The following CLNK variants were observed in gnomAD, a reference collection of about 807,000 sequenced individuals.
CLNK encodes cytokine dependent hematopoietic cell linker.
In CLNK, 74 loss-of-function variants were observed where a neutral mutation model predicts 68.6. The observed-to-expected ratio is 1.08, with a 90% CI of 0.89 to 1.31. The LOEUF is 1.31. CLNK is among the 50% of genes most tolerant of loss of function. The probability of loss-of-function intolerance (pLI) is 0.00; values close to 1 mark genes in which losing one functional copy is unlikely to be tolerated. For missense variants in CLNK, 553 were observed against 515.3 expected (o/e 1.07, Z -0.71); for synonymous variants, 198 against 172.2 (o/e 1.15, Z -1.17).
At chr4:10,551,850 T>A (rs9992045) in intron 8 of CLNK, among the ~76,000 whole-genome samples, 31,385 of 113,434 alleles carry the variant, frequency 0.28, 4,861 homozygotes, top group African/African-American at 0.48. Flanking sequence ...GAATTGTAAT[T>A]TTTTTTTTTT....
At chr4:10,606,718 A>G (rs1395854955) in intron 2 of CLNK, among the ~76,000 whole-genome samples, 1 of 152,212 alleles carries the variant, frequency 6.6e-6, no homozygotes, top group African/African-American at 2.4e-5. Context: ...GGTCACCATC[A>G]TATAGAAGGC....
chr4:10,654,962 C>T (rs1232834372), intron 2 of CLNK, among the ~76,000 whole-genome samples: 4 of 151,816 alleles, frequency 2.6e-5, no homozygotes, highest in Admixed American at 2.0e-4. Flanking sequence ...ATTAGCTGGG[C>T]GCGGTGGCAG....
intron 14 of CLNK, among the ~76,000 whole-genome samples, chr4:10,521,151 G>A (rs1718045512): frequency 6.6e-6 from 1 of 152,106 alleles, no homozygotes; most frequent in South Asian, 2.1e-4. Context: ...CAGTCACTAT[G>A]GAAAAGAACA....
rs146370549 is a variant in CLNK at position 10,606,385 on chromosome 4, C to T, written c.12-8336G>A. On this transcript the variant is annotated intron_variant, in intron 2 of 18. Transcript: ENST00000226951. ...TTCCTGTGATATCAATGCCTTCTTC[C>T]GGAATCCCTCCTCAAGAACCTGCCT... Among the ~76,000 whole-genome samples the T allele has an allele frequency of 1.6e-4, 25 of 152,028 alleles. No individual in the cohort carries two copies. The East Asian group carries it at 3.7e-3, about 22-fold the overall frequency.
the CLNK span, among the ~76,000 whole-genome samples, chr4:10,699,514 T>TATATATA: frequency 5.4e-5 from 1 of 18,468 alleles, no homozygotes; most frequent in Non-Finnish European, 1.1e-4. Context: ...ATATATATAT[T>TATATATA]TTTTTTTTTT....
the CLNK span, among the ~76,000 whole-genome samples, chr4:10,718,180 G>T: frequency 2.6e-5 from 4 of 152,178 alleles, no homozygotes; most frequent in Non-Finnish European, 5.9e-5. Context: ...ATTAAAACGT[G>T]TTGGATCTAA....
chr4:10,725,193 G>C, the CLNK span, among the ~76,000 whole-genome samples: 2 of 151,800 alleles, frequency 1.3e-5, no homozygotes, highest in South Asian at 4.2e-4. Context: ...AGCCCGCGGG[G>C]TGAGATGTGC....
At chr4:10,619,923 G>A (rs1197498642) in intron 2 of CLNK, among the ~76,000 whole-genome samples, 2 of 152,076 alleles carry the variant, frequency 1.3e-5, no homozygotes, top group Non-Finnish European at 2.9e-5. Context: ...AGCCCGGGGC[G>A]TTTTCCCATA....
chr4:10,728,385 A>AGTGTGTGTGTGT, the CLNK span, among the ~76,000 whole-genome samples: 2 of 146,742 alleles, frequency 1.4e-5, no homozygotes, highest in Admixed American at 6.8e-5. Flanking sequence ...TATTCTAAAG[A>AGTGTGTGTGTGT]GTGTGTGTGT....
At chr4:10,728,471 G>A in the CLNK span, among the ~76,000 whole-genome samples, 1 of 151,868 alleles carries the variant, frequency 6.6e-6, no homozygotes, top group Non-Finnish European at 1.5e-5. Flanking sequence ...ATGACATGAT[G>A]CCTGAAGCAA....
chr4:10,532,287 CAAG>C lies in CLNK; in HGVS notation c.603-7_603-5del, dbSNP rs1718573498. On this transcript the variant is annotated splice_region_variant and splice_polypyrimidine_tract_variant and intron_variant, in intron 11 of 18. Coordinates refer to ENST00000226951, the MANE Select transcript of CLNK (RefSeq NM_052964.4). Reference sequence around the variant, plus strand: ...TAAGTCCCTTAAGCTTATCTGACTGCAAGAAAAAGAAATACGGTGTTACATAAA... The same window carrying C: ...TAAGTCCCTTAAGCTTATCTGACTGCAAAAAGAAATACGGTGTTACATAAA... The C allele has an allele frequency of 1.2e-6, 2 of 1,608,018 alleles. No homozygotes were observed. Among genetic ancestry groups the C allele is most frequent in the South Asian group, 1.1e-5 (1 of 90,482 alleles).
chr4:10,522,301 C>T (rs528308084), intron 14 of CLNK, among the ~76,000 whole-genome samples: 21 of 148,218 alleles, frequency 1.4e-4, no homozygotes, highest in Admixed American at 5.4e-4. Context: ...AGGCCTGGCA[C>T]GGTGGCTTAC....
chr4:10,549,924 A>G (rs1719381079), intron 8 of CLNK, among the ~76,000 whole-genome samples: 1 of 152,206 alleles, frequency 6.6e-6, no homozygotes, highest in South Asian at 2.1e-4. Flanking sequence ...TCACAAAGTT[A>G]CTGCTTTTGG....
intron 16 of CLNK, among the ~76,000 whole-genome samples, chr4:10,510,657 C>A (rs1256341686): frequency 6.6e-6 from 1 of 152,170 alleles, no homozygotes; most frequent in East Asian, 1.9e-4. Flanking sequence ...GAAGCATTTA[C>A]AATCTATTCT....
chr4:10,553,454 TTTA>T (rs1293616413), intron 8 of CLNK, among the ~76,000 whole-genome samples: 6 of 143,874 alleles, frequency 4.2e-5, no homozygotes, highest in African/African-American at 1.6e-4. Flanking sequence ...ATTTTTTTAT[TTTA>T]TTTTTTTTTT....
intron 2 of CLNK, among the ~76,000 whole-genome samples, chr4:10,624,337 C>T (rs897691728): frequency 1.1e-4 from 17 of 152,116 alleles, no homozygotes; most frequent in Admixed American, 6.6e-4. Context: ...GACGGAGTCT[C>T]GCTCTGCTGC....
At chr4:10,521,515 C>T (rs1015166918) in intron 14 of CLNK, among the ~76,000 whole-genome samples, 9 of 152,240 alleles carry the variant, frequency 5.9e-5, no homozygotes, top group African/African-American at 1.7e-4. Context: ...AATCTAATTA[C>T]ATGAGTGATG....
intron 2 of CLNK, among the ~76,000 whole-genome samples, chr4:10,609,644 C>G (rs1721933105): frequency 6.6e-6 from 1 of 152,222 alleles, no homozygotes; most frequent in Non-Finnish European, 1.5e-5. Flanking sequence ...AAGGGAATAA[C>G]TAATTCTTGT....
At chr4:10,558,479 T>C in intron 7 of CLNK, 27 bp from the exon 8 acceptor site, 1 of 1,609,006 alleles carries the variant, frequency 6.2e-7, no homozygotes, top group Non-Finnish European at 8.5e-7. Context: ...GGCACCATTA[T>C]CTCTTCAGTT....
Sources: gnomAD v4.1 joint callset for allele counts (sites outside exome capture counted in the v4.1 genomes callset) on GRCh38, gnomAD v4.1.1 for gene constraint, MANE v1.5 for transcripts, NCBI Gene and HGNC (gene_info 2026-07-23, HGNC 2026-07-21) for gene names.